Variants in CENPP observed in about 807,000 individuals in gnomAD.
CENPP encodes the protein centromere protein P.
Under a neutral mutation model 35.6 loss-of-function variants are expected in CENPP, and 24 were observed. The ratio of observed to expected loss-of-function variants is 0.67; its 90% confidence interval spans 0.49 to 0.95. The LOEUF is 0.95. Ranked by LOEUF, CENPP falls within the 40% of genes least tolerant of loss-of-function variation. The probability of loss-of-function intolerance (pLI) is 0.00; values close to 1 mark genes in which losing one functional copy is unlikely to be tolerated. For synonymous variants in CENPP, 120 were observed against 125.5 expected (o/e 0.96, Z 0.29); for missense variants, 332 against 345.3 (o/e 0.96, Z 0.31).
intron 5 of CENPP, among the ~76,000 whole-genome samples, chr9:92,398,709 G>A (rs773434720): frequency 1.6e-4 from 24 of 152,054 alleles, no homozygotes; most frequent in Non-Finnish European, 3.2e-4. Flanking sequence ...CTGATATTTT[G>A]CAATTGCATG....
At chr9:92,345,641 T>C in intron 3 of CENPP, 58 bp from the exon 4 acceptor site, 2 of 896,794 alleles carry the variant, frequency 2.2e-6, no homozygotes, top group Non-Finnish European at 3.6e-6. Context: ...TTCAAAAGTA[T>C]TTTTGTCTTT....
chr9:92,341,074 G>A (rs760623680), intron 3 of CENPP, among the ~76,000 whole-genome samples: 7 of 152,078 alleles, frequency 4.6e-5, no homozygotes, highest in East Asian at 1.9e-4. Context: ...CCCCAGGGGC[G>A]CCTGTCTCTT....
intron 5 of CENPP, among the ~76,000 whole-genome samples, chr9:92,402,909 A>C (rs1843175809): frequency 6.6e-6 from 1 of 152,216 alleles, no homozygotes; most frequent in African/African-American, 2.4e-5. Context: ...GAGGCAACAC[A>C]ACATTGCAAG....
chr9:92,473,224 G>A (rs553329477), intron 5 of CENPP, among the ~76,000 whole-genome samples: 13 of 152,272 alleles, frequency 8.5e-5, no homozygotes, highest in African/African-American at 2.9e-4. Flanking sequence ...AATGTCTCAT[G>A]CAGGGTCTTC....
Position 92,609,085 on chromosome 9 carries a change from G to A in CENPP, c.565-2229G>A, listed in dbSNP as rs74845965. Among the ~76,000 whole-genome samples the A allele has an allele frequency of 2.4e-3, 373 of 152,354 alleles. 5 individuals carry two copies. The East Asian group carries it at 0.027, about 11-fold the overall frequency. ...TTGTGATTAATTTGGAAGAGCCTGC[G>A]GCTTAAAAATCAACCAACACTTTCC... On this transcript the variant is annotated intron_variant, in intron 5 of 7. Coordinates refer to ENST00000375587, the MANE Select transcript of CENPP (RefSeq NM_001012267.3).
chr9:92,435,875 G>A (rs952496086), intron 5 of CENPP, among the ~76,000 whole-genome samples: 1 of 152,202 alleles, frequency 6.6e-6, no homozygotes, highest in South Asian at 2.1e-4. Flanking sequence ...AAACATTCAT[G>A]TACAGGTTTT....
chr9:92,560,432 C>T lies in CENPP; in HGVS notation c.565-50882C>T, dbSNP rs1849822196. Among the ~76,000 whole-genome samples, 2 of 152,140 alleles carry T rather than the reference C, an allele frequency of 1.3e-5. 1 individual carries two copies. The highest frequency in any genetic ancestry group is 4.1e-4 in the South Asian group (2 of 4,828). ...CCAGTTTCCATCCTTTTGGACATGACCCAAAGCTGATTGCAAAGTCTTAAT... is the reference window on the plus strand; with the variant it reads ...CCAGTTTCCATCCTTTTGGACATGATCCAAAGCTGATTGCAAAGTCTTAAT... On this transcript the variant is annotated intron_variant, in intron 5 of 7. Coordinates refer to ENST00000375587, the MANE Select transcript of CENPP (RefSeq NM_001012267.3).
intron 5 of CENPP, among the ~76,000 whole-genome samples, chr9:92,537,191 G>A (rs1047473991): frequency 3.4e-4 from 51 of 151,688 alleles, no homozygotes; most frequent in Admixed American, 1.3e-3. Flanking sequence ...TTCTTATATC[G>A]TTATTTCAGG....
chr9:92,325,784 A>C, upstream of CENPP: 2 of 531,286 alleles, frequency 3.8e-6, no homozygotes, highest in Non-Finnish European at 6.7e-6. Context: ...CAGCCAGGGA[A>C]ACGTGTGCGG....
At chr9:92,397,277 C>T (rs1048192319) in intron 5 of CENPP, among the ~76,000 whole-genome samples, 1 of 152,130 alleles carries the variant, frequency 6.6e-6, no homozygotes, top group South Asian at 2.1e-4. Context: ...ATTTTTCCTG[C>T]CCCAACCCTG....
intron 5 of CENPP, among the ~76,000 whole-genome samples, chr9:92,565,439 G>T (rs1212283877): frequency 6.6e-6 from 1 of 152,102 alleles, no homozygotes; most frequent in African/African-American, 2.4e-5. Context: ...AGGAAGACTA[G>T]GTCAGTAAAT....
chr9:92,488,440 G>A (rs531899367), intron 5 of CENPP, among the ~76,000 whole-genome samples: 10 of 152,278 alleles, frequency 6.6e-5, no homozygotes, highest in Middle Eastern at 3.4e-3. Context: ...TAGAGAATTT[G>A]TGGAAAGACT....
intron 5 of CENPP, among the ~76,000 whole-genome samples, chr9:92,469,257 T>C (rs1845422781): frequency 6.6e-6 from 1 of 152,222 alleles, no homozygotes; most frequent in Non-Finnish European, 1.5e-5. Flanking sequence ...ATATTGATAA[T>C]GGAGGCTTAC....
intron 5 of CENPP, among the ~76,000 whole-genome samples, chr9:92,572,687 C>T (rs1850174016): frequency 6.6e-6 from 1 of 152,152 alleles, no homozygotes; most frequent in South Asian, 2.1e-4. Context: ...AGAGTGTTTT[C>T]CAACTTGGTT....
intron 5 of CENPP, chr9:92,393,197 A>G (rs1490428917): frequency 1.2e-6 from 2 of 1,613,686 alleles, no homozygotes; most frequent in Non-Finnish European, 8.5e-7. Context: ...ACTTCTTCAC[A>G]GTATACAGAG....
intron 5 of CENPP, among the ~76,000 whole-genome samples, chr9:92,497,890 AAAAG>A (rs1846445841): frequency 1.3e-5 from 2 of 151,100 alleles, no homozygotes; most frequent in African/African-American, 4.9e-5. Context: ...AAAAAAAAAA[AAAAG>A]AAGTCTGGCA....
chr9:92,356,946 G>C (rs1484178916), intron 4 of CENPP, among the ~76,000 whole-genome samples: 1 of 152,128 alleles, frequency 6.6e-6, no homozygotes, highest in African/African-American at 2.4e-5. Flanking sequence ...TTATGAACTT[G>C]TATATTTATA....
At chr9:92,350,261 C>G (rs1355743425) in intron 4 of CENPP, among the ~76,000 whole-genome samples, 1 of 152,106 alleles carries the variant, frequency 6.6e-6, no homozygotes, top group Admixed American at 6.5e-5. Flanking sequence ...GAAAGAAATC[C>G]ATGACATCTG....
intron 5 of CENPP, chr9:92,389,949 GT>G: frequency 6.2e-7 from 1 of 1,611,822 alleles, no homozygotes; most frequent in Non-Finnish European, 8.5e-7. Flanking sequence ...AGTTTTAGTA[GT>G]TGATTTTCAG....
Sources: gnomAD v4.1 joint callset for allele counts (sites outside exome capture counted in the v4.1 genomes callset) on GRCh38, gnomAD v4.1.1 for gene constraint, MANE v1.5 for transcripts, NCBI Gene and HGNC (gene_info 2026-07-23, HGNC 2026-07-21) for gene names.